CHST15: variants seen among roughly 807,000 people sequenced by gnomAD.
CHST15 encodes the protein B cell RAG associated protein (GALNAC4S-6ST).
A neutral mutation model predicts 53.6 loss-of-function variants in CHST15; 30 were observed. The observed-to-expected ratio is 0.56, with a 90% CI of 0.42 to 0.76. The LOEUF (loss-of-function observed/expected upper bound fraction) is 0.76, where lower values mean the gene tolerates loss of function less well. CHST15 is among the 30% of genes least tolerant of loss of function. The probability of loss-of-function intolerance (pLI) is 0.00; values close to 1 mark genes in which losing one functional copy is unlikely to be tolerated. For missense variants in CHST15, 627 were observed against 740.5 expected (o/e 0.85, Z 1.78); for synonymous variants, 296 against 289.8 (o/e 1.02, Z -0.22).
intron 1 of CHST15, among the ~76,000 whole-genome samples, chr10:124,086,309 A>G (rs1033884072): frequency 1.3e-5 from 2 of 152,212 alleles, no homozygotes; most frequent in Non-Finnish European, 2.9e-5. Flanking sequence ...AGCCCAGCAC[A>G]TCATATTCCT....
Position 124,008,671 on chromosome 10 carries a change from G to A in CHST15, c.*1478C>T. 9.4e-7 allele frequency: 1 copy of A among 1,058,434 alleles called. No individual in the cohort carries two copies. The highest frequency in any genetic ancestry group is 1.2e-6 in the Non-Finnish European group (1 of 868,808). 65.6% of individuals were successfully genotyped at this position (1,058,434 alleles called of 1,614,324 possible). On this transcript the variant is annotated 3_prime_UTR_variant, in exon 8 of 8. Transcript: ENST00000435907. The stretch of plus-strand genomic sequence containing the variant: ...GCAGATCCTCCTACCCCCGAAGCCT[G>A]GTCTGTCTCACACATACAAGTTAGA...
chr10:124,067,858 G>C (rs564837696), intron 1 of CHST15, among the ~76,000 whole-genome samples: 1 of 152,092 alleles, frequency 6.6e-6, no homozygotes. Flanking sequence ...CTCGTGATCC[G>C]CTGGCCTCGG....
Position 124,010,206 on chromosome 10 carries a change from G to T in CHST15, c.1629C>A (p.Phe543Leu). 1 of 1,614,040 alleles carries T rather than the reference G, an allele frequency of 6.2e-7. No homozygotes were observed. The highest frequency in any genetic ancestry group is 8.5e-7 in the Non-Finnish European group (1 of 1,180,050). The change falls in exon 8 of 8, where the codon TTC becomes TTA. Residue 543 changes from phenylalanine (F) to leucine (L), a missense_variant. Physicochemically the swap from Phe to Leu is conservative, Grantham distance 22. Transcript: ENST00000435907. ...QKILRDFYRP[F>L]NARLAQVLAD... is the part of the protein sequence containing the mutation. ...CGAGGACCTGCGCCAGCCTAGCGTTGAAGGGCCTGTAGAAATCCCGCAGAA... is the reference window on the plus strand; with the variant it reads ...CGAGGACCTGCGCCAGCCTAGCGTTTAAGGGCCTGTAGAAATCCCGCAGAA...
At chr10:124,087,133 C>T (rs1949456084) in intron 1 of CHST15, among the ~76,000 whole-genome samples, 4 of 152,212 alleles carry the variant, frequency 2.6e-5, no homozygotes, top group Admixed American at 2.6e-4. Flanking sequence ...TAAGATAATA[C>T]ATCTTACACC....
At chr10:124,011,512 C>CG in intron 7 of CHST15, 3 of 985,476 alleles carry the variant, frequency 3.0e-6, no homozygotes, top group Non-Finnish European at 3.6e-6. Context: ...ACCAAGTTCC[C>CG]GGGCAAGACC....
chr10:124,071,776 A>T (rs148856846), intron 1 of CHST15, among the ~76,000 whole-genome samples: 2,538 of 152,336 alleles, frequency 0.017, 30 homozygotes, highest in Non-Finnish European at 0.026. Flanking sequence ...GCTGTTCCAA[A>T]CATTCTTAAA....
chr10:124,010,528 G>A, intron 7 of CHST15, 189 bp from the exon 8 acceptor site: 11 of 985,480 alleles, frequency 1.1e-5, no homozygotes, highest in Non-Finnish European at 1.3e-5. Flanking sequence ...AACACCATCA[G>A]GAAATTGCGA....
At chr10:124,092,409 C>G (rs1236886029) in intron 1 of CHST15, 2 of 152,292 alleles carry the variant, frequency 1.3e-5, no homozygotes, top group African/African-American at 4.8e-5. Flanking sequence ...CGGCAACTCC[C>G]GAGTCACGCC....
At chr10:124,040,331 G>A (rs888163124) in intron 4 of CHST15, among the ~76,000 whole-genome samples, 5 of 152,244 alleles carry the variant, frequency 3.3e-5, no homozygotes, top group Middle Eastern at 3.4e-3. Flanking sequence ...AGGAAAGCAC[G>A]GCCCCTCCTC....
At chr10:124,041,159 G>A (rs193279021) in intron 4 of CHST15, among the ~76,000 whole-genome samples, 9 of 152,330 alleles carry the variant, frequency 5.9e-5, no homozygotes, top group African/African-American at 1.7e-4. Flanking sequence ...TCAGGACTTA[G>A]GCACATAAGT....
At chr10:124,018,475 C>T (rs764821909) in intron 6 of CHST15, among the ~76,000 whole-genome samples, 12 of 152,268 alleles carry the variant, frequency 7.9e-5, no homozygotes, top group Non-Finnish European at 1.8e-4. Context: ...GAAATTATCT[C>T]ATGGTCATGC....
chr10:124,060,965 T>G (rs1948553223), intron 1 of CHST15, among the ~76,000 whole-genome samples: 1 of 152,074 alleles, frequency 6.6e-6, no homozygotes, highest in Non-Finnish European at 1.5e-5. Flanking sequence ...GGCATCAAGC[T>G]GGGAACCTGC....
chr10:124,075,578 G>C lies in CHST15; in HGVS notation c.-513+17891C>G, dbSNP rs529075012. 3.3e-5 allele frequency among the ~76,000 whole-genome samples: 5 copies of C among 152,056 alleles called. No homozygotes were observed. In the South Asian group the frequency reaches 8.3e-4, roughly 25 times the overall value. On this transcript the variant is annotated intron_variant, in intron 1 of 7. Transcript: ENST00000435907. ...CGCTGCTCGGAAGAGATCTGACTTG[G>C]GCAGCTCTCTCCTGATGTATGCTGA...
chr10:124,024,989 T>C lies in CHST15; in HGVS notation c.1191-3577A>G, dbSNP rs2133884419. Among the ~76,000 whole-genome samples the C allele has an allele frequency of 6.6e-6, 1 of 152,348 alleles. No individual in the cohort carries two copies. Among genetic ancestry groups the C allele is most frequent in the Middle Eastern group, 3.4e-3 (1 of 294 alleles). On this transcript the variant is annotated intron_variant, in intron 5 of 7. Coordinates refer to ENST00000435907, the MANE Select transcript of CHST15 (RefSeq NM_001270764.2). This position sits in a 1 kb window ranked among gnomAD's most constrained non-coding sequence, Gnocchi z 4.0. ...TTTTTACCAAAGATGCCCACAGAAC[T>C]ACCCAAATTGTTTGGTGGAACTGGA...
chr10:124,042,932 C>T (rs1384513798), intron 3 of CHST15, among the ~76,000 whole-genome samples: 1 of 152,112 alleles, frequency 6.6e-6, no homozygotes, highest in East Asian at 1.9e-4. Flanking sequence ...GCCCAGCCAG[C>T]ACCTGCCTGA....
chr10:124,070,568 G>C (rs535153255), intron 1 of CHST15, among the ~76,000 whole-genome samples: 8 of 152,018 alleles, frequency 5.3e-5, no homozygotes, highest in Non-Finnish European at 1.0e-4. Context: ...ATAGAAACGG[G>C]GTTTCACCAC....
rs202094516 is a variant in CHST15, at chr10:124,038,108, A to AT, written c.1190+406dup. Among the ~76,000 whole-genome samples, 324 of 132,354 alleles carry AT rather than the reference A, an allele frequency of 2.4e-3. 5 individuals are homozygous for AT. Among genetic ancestry groups the AT allele is most frequent in the Admixed American group, 5.1e-3 (67 of 13,078 alleles). 86.8% of individuals were successfully genotyped at this position (132,354 alleles called of 152,430 possible). The stretch of plus-strand genomic sequence containing the variant: ...GTTTATTTTTGTTTGTTTTTATTTT[A>AT]TTTTATTTTTTTTTTTGAGATGGAG... On this transcript the variant is annotated intron_variant, in intron 5 of 7. Coordinates refer to ENST00000435907, the MANE Select transcript of CHST15 (RefSeq NM_001270764.2).
Position 124,044,815 on chromosome 10 carries a change from G to A in CHST15, c.651C>T (p.Ser217=), listed in dbSNP as rs757282830. ...GGAAGCGCTTGGAGTAGAGCACGTA[G>A]GAGTTGGTGAGGTAGGGGTCGGTGG... ...QNTTDPYLTN[S]YVLYSKRFRS... is the part of the protein sequence containing the mutation. Residue 217 remains serine, a synonymous_variant, in exon 3 of 8, where the codon TCC becomes TCT. Coordinates refer to ENST00000435907, the MANE Select transcript of CHST15 (RefSeq NM_001270764.2). 19 of 1,590,454 alleles carry A rather than the reference G, an allele frequency of 1.2e-5. No homozygotes were observed. Among genetic ancestry groups the A allele is most frequent in the African/African-American group, 5.4e-5 (4 of 74,106 alleles).
intron 4 of CHST15, among the ~76,000 whole-genome samples, chr10:124,041,935 A>G (rs1197612996): frequency 1.3e-5 from 2 of 152,220 alleles, no homozygotes; most frequent in East Asian, 3.8e-4. Context: ...ATGACTAACC[A>G]GTTAACTGCA....
Sources: gnomAD v4.1 joint callset for allele counts (sites outside exome capture counted in the v4.1 genomes callset) on GRCh38, gnomAD v4.1.1 for gene constraint, Gnocchi (gnomAD v3.1) non-coding constraint, MANE v1.5 for transcripts, NCBI Gene and HGNC (gene_info 2026-07-23, HGNC 2026-07-21) for gene names.